The following TAFA1 variants were observed in gnomAD, a reference collection of about 807,000 sequenced individuals.
TAFA1 encodes the protein chemokine-like protein TAFA-1.
Under a neutral mutation model 18.5 loss-of-function variants are expected in TAFA1, and 4 were observed. The observed-to-expected ratio is 0.22, with a 90% CI of 0.11 to 0.49. The LOEUF (loss-of-function observed/expected upper bound fraction) is 0.49, where lower values mean the gene tolerates loss of function less well. Ranked by LOEUF, TAFA1 falls within the 20% of genes least tolerant of loss-of-function variation. The pLI, the probability that TAFA1 is intolerant of heterozygous loss-of-function variation, is 0.98. For synonymous variants in TAFA1, 56 were observed against 55.2 expected, an observed-to-expected ratio of 1.01 and a Z score of -0.06; for missense variants, 147 against 169.0, an observed-to-expected ratio of 0.87 and a Z score of 0.72.
chr3:68,099,826 A>G (rs1027168013), intron 2 of TAFA1, among the ~76,000 whole-genome samples: 11 of 152,224 alleles, frequency 7.2e-5, no homozygotes, highest in African/African-American at 2.4e-4. Flanking sequence ...ATAAAAAAGA[A>G]TGAAACCATG....
intron 2 of TAFA1, among the ~76,000 whole-genome samples, chr3:68,081,774 T>G (rs555627907): frequency 0.03 from 4,641 of 152,272 alleles, 254 homozygotes; most frequent in African/African-American, 0.11. Context: ...TTGTTTGTCT[T>G]TGCCCTGCCC....
At chr3:68,440,373 G>T (rs2071353509) in intron 3 of TAFA1, among the ~76,000 whole-genome samples, 1 of 152,078 alleles carries the variant, frequency 6.6e-6, no homozygotes, top group African/African-American at 2.4e-5. Context: ...GCATGAAAAT[G>T]GACTAATACA....
intron 2 of TAFA1, among the ~76,000 whole-genome samples, chr3:68,016,574 T>C (rs1052225361): frequency 6.6e-6 from 1 of 152,218 alleles, no homozygotes; most frequent in Non-Finnish European, 1.5e-5. Flanking sequence ...CAATAATCTA[T>C]ATCATATAGC....
Position 68,082,913 on chromosome 3 carries a change from C to T in TAFA1, c.118+76169C>T, listed in dbSNP as rs147278647. On this transcript the variant is annotated intron_variant, in intron 2 of 4. Coordinates refer to ENST00000478136, the MANE Select transcript of TAFA1 (RefSeq NM_213609.4). ...CTATTTGACATTGAGAAAGTCATTG[C>T]CTTCTTGGTTTATCCACTTCTCCAT... is the stretch of plus-strand genomic sequence containing the variant. 8.5e-5 allele frequency among the ~76,000 whole-genome samples: 13 copies of T among 152,258 alleles called. 1 individual carries two copies. Among genetic ancestry groups the T allele is most frequent in the Admixed American group, 7.2e-4 (11 of 15,296 alleles).
At chr3:68,414,830 C>A (rs1411533306) in intron 2 of TAFA1, among the ~76,000 whole-genome samples, 1 of 152,170 alleles carries the variant, frequency 6.6e-6, no homozygotes, top group East Asian at 1.9e-4. Context: ...AAATGAGATT[C>A]AAAATACATC....
intron 2 of TAFA1, among the ~76,000 whole-genome samples, chr3:68,101,855 T>G (rs942004716): frequency 6.6e-6 from 1 of 152,150 alleles, no homozygotes; most frequent in Non-Finnish European, 1.5e-5. Context: ...GGACAACTCC[T>G]GATGCTTATG....
chr3:68,264,661 G>GAAAGTCTTTA (rs1559587635), intron 2 of TAFA1, among the ~76,000 whole-genome samples: 1 of 150,920 alleles, frequency 6.6e-6, no homozygotes, highest in Admixed American at 6.6e-5. Context: ...GCTTAACACA[G>GAAAGTCTTTA]TCAATGAAAG....
intron 2 of TAFA1, among the ~76,000 whole-genome samples, chr3:68,230,160 C>T (rs1367502746): frequency 6.6e-6 from 1 of 152,028 alleles, no homozygotes; most frequent in Non-Finnish European, 1.5e-5. Context: ...AAATATACAA[C>T]AAATTATTGT....
intron 3 of TAFA1, among the ~76,000 whole-genome samples, chr3:68,504,772 G>A (rs1307250632): frequency 6.6e-6 from 1 of 152,016 alleles, no homozygotes; most frequent in Admixed American, 6.6e-5. Flanking sequence ...TCAATGTTCA[G>A]TAAAAGTAAA....
chr3:68,175,270 C>T (rs13075009), intron 2 of TAFA1, among the ~76,000 whole-genome samples: 22,095 of 152,168 alleles, frequency 0.15, 1,910 homozygotes, highest in Middle Eastern at 0.2. Context: ...CCTACTGGGG[C>T]GCTGCCTAGT....
intron 2 of TAFA1, among the ~76,000 whole-genome samples, chr3:68,393,357 G>C (rs1575829500): frequency 6.7e-6 from 1 of 149,468 alleles, no homozygotes; most frequent in Non-Finnish European, 1.5e-5. Context: ...AATAAAGGCA[G>C]TAATTAATAG....
intron 3 of TAFA1, among the ~76,000 whole-genome samples, chr3:68,492,203 T>C (rs2072466592): frequency 6.6e-6 from 1 of 152,158 alleles, no homozygotes; most frequent in Admixed American, 6.5e-5. Flanking sequence ...CATTGCTCCA[T>C]AAAAGGATTA....
chr3:68,160,419 C>T (rs2065911376), intron 2 of TAFA1, among the ~76,000 whole-genome samples: 1 of 152,168 alleles, frequency 6.6e-6, no homozygotes, highest in South Asian at 2.1e-4. Context: ...AGCAAGAGGG[C>T]CTTAGTGTGC....
At chr3:68,478,228 CAAGT>C (rs2072142079) in intron 3 of TAFA1, among the ~76,000 whole-genome samples, 1 of 152,152 alleles carries the variant, frequency 6.6e-6, no homozygotes, top group Non-Finnish European at 1.5e-5. Flanking sequence ...CACAGTATGG[CAAGT>C]TGACAGAGTT....
intron 3 of TAFA1, among the ~76,000 whole-genome samples, chr3:68,429,193 C>G (rs1452985841): frequency 1.3e-5 from 2 of 151,882 alleles, no homozygotes; most frequent in African/African-American, 2.4e-5. Flanking sequence ...GAGGTTAAGT[C>G]TGTCCATGTC....
upstream of TAFA1, among the ~76,000 whole-genome samples, chr3:68,003,318 A>AAG (rs1232151729): frequency 6.6e-6 from 1 of 152,228 alleles, no homozygotes; most frequent in East Asian, 1.9e-4. Flanking sequence ...TCTGAAAGGC[A>AAG]AGAGAGTATT....
intron 2 of TAFA1, among the ~76,000 whole-genome samples, chr3:68,284,199 A>T (rs550238611): frequency 1.2e-4 from 18 of 152,316 alleles, no homozygotes; most frequent in African/African-American, 4.3e-4. Flanking sequence ...ATATCACTTT[A>T]AATAGTAGGC....
chr3:68,019,633 TG>T (rs1575576668), intron 2 of TAFA1, among the ~76,000 whole-genome samples: 1 of 152,312 alleles, frequency 6.6e-6, no homozygotes, highest in East Asian at 1.9e-4. Context: ...AGTGTCTTTT[TG>T]CTAAAATATA....
At chr3:68,055,087 G>A (rs140684022) in intron 2 of TAFA1, among the ~76,000 whole-genome samples, 301 of 152,180 alleles carry the variant, frequency 2.0e-3, no homozygotes, top group African/African-American at 6.5e-3. Context: ...ATGAACAGGA[G>A]TGGGGAAGTA....
Sources: allele counts gnomAD v4.1 joint callset (sites outside exome capture counted in the v4.1 genomes callset), GRCh38; gene constraint gnomAD v4.1.1; transcripts MANE v1.5; gene names NCBI Gene and HGNC (gene_info 2026-07-23, HGNC 2026-07-21).